Variants in RGS7 observed in about 807,000 individuals in gnomAD.
RGS7 encodes regulator of G protein signaling 7.
RGS7 carries 27 observed loss-of-function variants against 81.1 expected under a neutral mutation model. That is an observed-to-expected ratio of 0.33 (90% CI 0.25 to 0.46). RGS7 has a LOEUF of 0.46. Ranked by LOEUF, RGS7 falls within the 20% of genes least tolerant of loss-of-function variation. The probability of loss-of-function intolerance (pLI) is 1.00; values close to 1 mark genes in which losing one functional copy is unlikely to be tolerated. For missense variants in RGS7, 396 were observed against 607.4 expected (o/e 0.65, Z 3.66); for synonymous variants, 208 against 207.7 (o/e 1.00, Z -0.01).
chr1:241,162,704 CG>C (rs1408816567), intron 2 of RGS7, among the ~76,000 whole-genome samples: 1 of 152,188 alleles, frequency 6.6e-6, no homozygotes, highest in Non-Finnish European at 1.5e-5. Context: ...AGGCAAGGAT[CG>C]AGTTTCTGCA....
intron 2 of RGS7, among the ~76,000 whole-genome samples, chr1:241,222,005 C>T (rs2075046912): frequency 1.3e-5 from 2 of 152,078 alleles, no homozygotes; most frequent in Admixed American, 1.3e-4. Flanking sequence ...TTCTGGAGAA[C>T]CCTGACTAAT....
At chr1:241,293,110 G>T (rs531531512) in intron 2 of RGS7, among the ~76,000 whole-genome samples, 1 of 152,282 alleles carries the variant, frequency 6.6e-6, no homozygotes, top group East Asian at 1.9e-4. Context: ...GTGGACTGCA[G>T]ATATGACAAT....
At chr1:241,325,690 T>C (rs886387216) in intron 2 of RGS7, among the ~76,000 whole-genome samples, 2 of 152,210 alleles carry the variant, frequency 1.3e-5, no homozygotes, top group African/African-American at 4.8e-5. Context: ...GCAGGGATTT[T>C]AGATCTGATA....
intron 2 of RGS7, among the ~76,000 whole-genome samples, chr1:241,326,998 G>T (rs1014414423): frequency 1.2e-4 from 1 of 8,242 alleles, no homozygotes; most frequent in Non-Finnish European, 4.2e-4. Context: ...GCAGGAAGAA[G>T]GAAGGAAGGA....
At chr1:240,786,861 T>C (rs937243383) in intron 18 of RGS7, among the ~76,000 whole-genome samples, 1 of 152,234 alleles carries the variant, frequency 6.6e-6, no homozygotes, top group Non-Finnish European at 1.5e-5. Context: ...TGTTGTACTT[T>C]CAGATTGTGT....
intron 3 of RGS7, among the ~76,000 whole-genome samples, chr1:241,076,875 G>A (rs916137354): frequency 6.6e-6 from 1 of 152,258 alleles, no homozygotes; most frequent in Non-Finnish European, 1.5e-5. Flanking sequence ...TTTCAAAACT[G>A]TCATTTTTGT....
intron 6 of RGS7, among the ~76,000 whole-genome samples, chr1:240,885,674 C>G (rs180810332): frequency 1.3e-5 from 2 of 152,236 alleles, no homozygotes; most frequent in Non-Finnish European, 2.9e-5. Flanking sequence ...CATGTTCTCA[C>G]TTATAAGTGG....
intron 3 of RGS7, among the ~76,000 whole-genome samples, chr1:241,008,154 C>T (rs906203355): frequency 1.3e-5 from 2 of 151,682 alleles, no homozygotes; most frequent in Non-Finnish European, 2.9e-5. Context: ...AACAAAAAAA[C>T]AATAACAAAA....
chr1:241,315,431 G>A lies in RGS7; in HGVS notation c.78+40268C>T, dbSNP rs77727934. Among the ~76,000 whole-genome samples, 879 of 151,958 alleles carry A rather than the reference G, an allele frequency of 5.8e-3. 5 individuals are homozygous for A. The highest frequency in any genetic ancestry group is 0.02 in the African/African-American group (811 of 41,448). On this transcript the variant is annotated intron_variant, in intron 2 of 18. Transcript: ENST00000440928. The stretch of plus-strand genomic sequence containing the variant: ...GGGGGAAAATACATTTAAAAAATTT[G>A]ATGATTAAAAAAAGATAGTGATAAC...
chr1:240,829,930 G>C (rs1693542545), intron 9 of RGS7, among the ~76,000 whole-genome samples: 1 of 152,178 alleles, frequency 6.6e-6, no homozygotes. Flanking sequence ...GTTTCTTCAT[G>C]ACCTGGAGGC....
chr1:241,269,073 C>T (rs1266842216), intron 2 of RGS7, among the ~76,000 whole-genome samples: 1 of 152,226 alleles, frequency 6.6e-6, no homozygotes, highest in East Asian at 1.9e-4. Context: ...ATTAATTATA[C>T]AGAGTGATAT....
intron 2 of RGS7, among the ~76,000 whole-genome samples, chr1:241,341,894 T>TTC (rs1491317169): frequency 7.1e-6 from 1 of 141,244 alleles, no homozygotes; most frequent in South Asian, 2.3e-4. Flanking sequence ...TTTTTTTTTT[T>TTC]GAGACAGGGT....
In RGS7 at chr1:240,863,245, G is replaced by A. The variant is rs1426312392; in HGVS notation, c.609+5342C>T. 5.3e-5 allele frequency among the ~76,000 whole-genome samples: 8 copies of A among 152,100 alleles called. 1 individual carries two copies. Among genetic ancestry groups the A allele is most frequent in the Admixed American group, 3.3e-4 (5 of 15,268 alleles). On this transcript the variant is annotated intron_variant, in intron 9 of 18. Transcript: ENST00000440928. ...TCCCAGCACTTTGGGAGGCTGAGGC[G>A]GGAGGATCACTTGAGGCCTGGAGTT...
intron 6 of RGS7, among the ~76,000 whole-genome samples, chr1:240,889,864 C>T (rs552036334): frequency 1.2e-4 from 18 of 152,234 alleles, no homozygotes; most frequent in African/African-American, 4.3e-4. Flanking sequence ...TGTAGTGTCC[C>T]CTCCTCCATC....
At chr1:241,093,923 G>A (rs1451248911) in intron 3 of RGS7, among the ~76,000 whole-genome samples, 1 of 151,914 alleles carries the variant, frequency 6.6e-6, no homozygotes, top group Admixed American at 6.6e-5. Flanking sequence ...ATATTGAGAT[G>A]GGAAAAGTTT....
chr1:241,236,712 G>A (rs1451545159), intron 2 of RGS7, among the ~76,000 whole-genome samples: 3 of 152,106 alleles, frequency 2.0e-5, no homozygotes, highest in Non-Finnish European at 4.4e-5. Context: ...ACCCAAGTTC[G>A]ATAAAGAAGC....
At chr1:240,836,831 G>T (rs1013705067) in intron 9 of RGS7, among the ~76,000 whole-genome samples, 1 of 152,206 alleles carries the variant, frequency 6.6e-6, no homozygotes, top group African/African-American at 2.4e-5. Context: ...CAATTCCTGA[G>T]AATTTGGTGG....
chr1:241,247,097 A>G (rs953063526), intron 2 of RGS7, among the ~76,000 whole-genome samples: 2 of 152,120 alleles, frequency 1.3e-5, no homozygotes, highest in Non-Finnish European at 2.9e-5. Context: ...TTCTCATTTT[A>G]TCTAAAAATG....
Position 240,933,125 on chromosome 1 carries a change from GC to G in RGS7, c.334-2358del, listed in dbSNP as rs910604674. On this transcript the variant is annotated intron_variant, in intron 5 of 18. Transcript: ENST00000440928. ...TCTCCATCTCCTGACCTCGTGATCT[GC>G]CCCCCTCGGCCCCACAAAGTGCTGG... Among the ~76,000 whole-genome samples the G allele has an allele frequency of 1.5e-4, 22 of 150,814 alleles. 2 individuals carry two copies. Among genetic ancestry groups the G allele is most frequent in the South Asian group, 1.3e-3 (6 of 4,772 alleles).
Sources: gnomAD v4.1 joint callset for allele counts (sites outside exome capture counted in the v4.1 genomes callset) on GRCh38, gnomAD v4.1.1 for gene constraint, MANE v1.5 for transcripts, NCBI Gene and HGNC (gene_info 2026-07-23, HGNC 2026-07-21) for gene names.